EXOC4: variants seen among roughly 807,000 people sequenced by gnomAD.
EXOC4 encodes the protein SEC8-like 1.
In EXOC4, 71 loss-of-function variants were observed where a neutral mutation model predicts 107.2. The observed-to-expected ratio is 0.66, with a 90% CI of 0.55 to 0.81. The LOEUF is 0.81. Among genes scored for constraint, EXOC4 ranks in the 30% least tolerant of loss-of-function variants. The pLI is 0.00. For missense variants in EXOC4, 1,108 were observed against 1,189.6 expected (o/e 0.93, Z 1.01); for synonymous variants, 456 against 441.2 (o/e 1.03, Z -0.42).
At chr7:133,464,811 GT>G (rs3046149) in intron 7 of EXOC4, among the ~76,000 whole-genome samples, 33 of 51,296 alleles carry the variant, frequency 6.4e-4, no homozygotes, top group African/African-American at 2.4e-3. Flanking sequence ...GGTTGGGTTG[GT>G]TTTTTTTTTT....
At chr7:133,616,166 A>G (rs561122420) in intron 9 of EXOC4, among the ~76,000 whole-genome samples, 3 of 152,302 alleles carry the variant, frequency 2.0e-5, no homozygotes, top group East Asian at 3.9e-4. Flanking sequence ...TTATGCATAT[A>G]TAAGTTGGTT....
At chr7:133,857,195 TATA>T (rs1798410564) in intron 11 of EXOC4, among the ~76,000 whole-genome samples, 7 of 33,756 alleles carry the variant, frequency 2.1e-4, no homozygotes, top group Non-Finnish European at 3.1e-4. Flanking sequence ...TATATATATA[TATA>T]TATTTTACCT....
At chr7:134,028,899 T>C (rs1313403206) in intron 17 of EXOC4, among the ~76,000 whole-genome samples, 1 of 152,356 alleles carries the variant, frequency 6.6e-6, no homozygotes, top group South Asian at 2.1e-4. Flanking sequence ...TCTAGACACC[T>C]ACTGGCTGCC....
rs536970444 is a variant in EXOC4 at position 133,984,372 on chromosome 7, T to C, written c.2207-13120T>C. Among the ~76,000 whole-genome samples the C allele has an allele frequency of 7.2e-5, 11 of 152,338 alleles. 1 individual carries two copies. The highest frequency in any genetic ancestry group is 2.6e-4 in the Admixed American group (4 of 15,308). ...ATCTCCTTTGTTCTTTCTATATAGT[T>C]TGATATTTGGAACAATTCTTCCATT... On this transcript the variant is annotated intron_variant, in intron 14 of 17. Transcript: ENST00000253861.
At chr7:134,073,346 C>G in the EXOC4 span, among the ~76,000 whole-genome samples, 4 of 151,480 alleles carry the variant, frequency 2.6e-5, no homozygotes, top group Non-Finnish European at 5.9e-5. Context: ...ACTGGACGTT[C>G]TGATCTTACA....
At chr7:133,370,266 A>G (rs1448184950) in intron 6 of EXOC4, among the ~76,000 whole-genome samples, 2 of 151,962 alleles carry the variant, frequency 1.3e-5, no homozygotes, top group Non-Finnish European at 2.9e-5. Flanking sequence ...AATGTGCCCA[A>G]GGTGGTCAGG....
intron 7 of EXOC4, among the ~76,000 whole-genome samples, chr7:133,377,353 CAAATAAAT>C (rs541363839): frequency 6.6e-5 from 10 of 151,692 alleles, no homozygotes; most frequent in Non-Finnish European, 1.3e-4. Flanking sequence ...GACTCAATCT[CAAATAAAT>C]AAATAAATAA....
chr7:133,866,475 G>C (rs1446698193), intron 11 of EXOC4, among the ~76,000 whole-genome samples: 1 of 152,194 alleles, frequency 6.6e-6, no homozygotes, highest in Non-Finnish European at 1.5e-5. Flanking sequence ...GGTAGCAAGA[G>C]ATAATGTAGC....
At chr7:133,761,703 G>A (rs1434474566) in intron 10 of EXOC4, among the ~76,000 whole-genome samples, 4 of 152,218 alleles carry the variant, frequency 2.6e-5, no homozygotes, top group African/African-American at 4.8e-5. Context: ...TTCAATGTGC[G>A]GTCAAGTTGT....
At chr7:133,844,837 C>T (rs1441003471) in intron 11 of EXOC4, among the ~76,000 whole-genome samples, 15 of 152,032 alleles carry the variant, frequency 9.9e-5, no homozygotes, top group Non-Finnish European at 8.8e-5. Context: ...CCTTCACTGG[C>T]CCATTTCTGA....
intron 9 of EXOC4, among the ~76,000 whole-genome samples, chr7:133,623,510 C>G (rs149266058): frequency 3.3e-5 from 5 of 152,020 alleles, no homozygotes; most frequent in Admixed American, 3.3e-4. Context: ...GCTTATTCCC[C>G]GGGAGAAACT....
chr7:133,603,726 A>C (rs1585026336), intron 9 of EXOC4, among the ~76,000 whole-genome samples: 1 of 152,310 alleles, frequency 6.6e-6, no homozygotes, highest in South Asian at 2.1e-4. Context: ...AGCTGGCAAG[A>C]CTGGAAGTTC....
chr7:133,994,466 G>A lies in EXOC4; in HGVS notation c.2207-3026G>A, dbSNP rs191102270. Reference sequence around the variant, plus strand: ...AAACCACAATGGCGCCTGAATAACTGTGAAACAAACCTGCACGTTCAGCAC... The same window carrying A: ...AAACCACAATGGCGCCTGAATAACTATGAAACAAACCTGCACGTTCAGCAC... On this transcript the variant is annotated intron_variant, in intron 14 of 17. Transcript: ENST00000253861. Among the ~76,000 whole-genome samples, 809 of 152,200 alleles carry A rather than the reference G, an allele frequency of 5.3e-3. 7 individuals carry two copies. Among genetic ancestry groups the A allele is most frequent in the African/African-American group, 0.019 (772 of 41,532 alleles).
At position 134,065,131 on chromosome 7, in the gene EXOC4, A is replaced by G. The variant is rs1796153184; in HGVS notation, c.*603A>G. On this transcript the variant is annotated 3_prime_UTR_variant, in exon 18 of 18. Transcript: ENST00000253861. ...CTAGGAATAGAAGTCTTTTGATCCC[A>G]GTCCCTGGGACAGTTTTGTATGCTG... is the stretch of plus-strand genomic sequence containing the variant. 6.6e-6 allele frequency: 1 copy of G among 152,612 alleles called. No homozygotes were observed. The highest frequency in any genetic ancestry group is 1.9e-4 in the East Asian group (1 of 5,182). 9.5% of individuals were successfully genotyped at this position (152,612 alleles called of 1,614,324 possible).
At chr7:133,810,474 CAACAACACAGGT>C (rs1464132162) in intron 10 of EXOC4, among the ~76,000 whole-genome samples, 5 of 152,076 alleles carry the variant, frequency 3.3e-5, no homozygotes, top group Admixed American at 6.5e-5. Context: ...AAAGTAAATT[CAACAACACAGGT>C]ATTGCATATG....
chr7:133,329,109 G>C (rs561932342), intron 5 of EXOC4, among the ~76,000 whole-genome samples: 1 of 152,226 alleles, frequency 6.6e-6, no homozygotes, highest in South Asian at 2.1e-4. Flanking sequence ...TGGAGGCTTT[G>C]TTCATTTCTT....
chr7:133,750,960 C>T (rs570012812), intron 10 of EXOC4, among the ~76,000 whole-genome samples: 374 of 152,272 alleles, frequency 2.5e-3, no homozygotes, highest in Non-Finnish European at 4.0e-3. Context: ...AGAATCACAC[C>T]ACTTGGACAG....
rs187263052 is a variant in EXOC4 at position 133,506,181 on chromosome 7, A to G, written c.1417+26043A>G. ...AATACCTGAATAAATTAGGGAGGAT[A>G]TATTTCTTTAATATGATTGTTTTAA... On this transcript the variant is annotated intron_variant, in intron 9 of 17. Transcript: ENST00000253861. 9.4e-4 allele frequency among the ~76,000 whole-genome samples: 143 copies of G among 152,288 alleles called. 1 individual carries two copies. Among genetic ancestry groups the G allele is most frequent in the African/African-American group, 3.2e-3 (135 of 41,584 alleles).
chr7:134,089,478 G>A, the EXOC4 span, among the ~76,000 whole-genome samples: 1 of 152,084 alleles, frequency 6.6e-6, no homozygotes. Flanking sequence ...TGGAGCCTAG[G>A]ACCCACAGAA....
Sources: gnomAD v4.1 joint callset for allele counts (sites outside exome capture counted in the v4.1 genomes callset) on GRCh38, gnomAD v4.1.1 for gene constraint, MANE v1.5 for transcripts, NCBI Gene and HGNC (gene_info 2026-07-23, HGNC 2026-07-21) for gene names.